Variants in LDLRAD4 observed in about 807,000 individuals in gnomAD.
LDLRAD4 encodes low-density lipoprotein receptor class A domain-containing protein 4.
A neutral mutation model predicts 17.0 loss-of-function variants in LDLRAD4; 5 were observed. The observed-to-expected ratio is 0.29, with a 90% confidence interval of 0.15 to 0.62. The LOEUF is 0.62. Ranked by LOEUF, LDLRAD4 falls within the 20% of genes least tolerant of loss-of-function variation. The probability of loss-of-function intolerance (pLI) is 0.84; values close to 1 mark genes in which losing one functional copy is unlikely to be tolerated. For synonymous variants in LDLRAD4, 168 were observed against 171.8 expected (o/e 0.98, Z 0.17); for missense variants, 340 against 424.7 (o/e 0.80, Z 1.75).
At chr18:13,386,927 GATAGATAGATAGATAGATA>G (rs2085867713) in intron 1 of LDLRAD4, among the ~76,000 whole-genome samples, 3 of 147,012 alleles carry the variant, frequency 2.0e-5, no homozygotes, top group African/African-American at 7.8e-5. Flanking sequence ...TAGATAGATA[GATAGATAGATAGATAGATA>G]GATGGATGGA....
intron 1 of LDLRAD4, among the ~76,000 whole-genome samples, chr18:13,251,977 G>T (rs2043243330): frequency 6.6e-6 from 1 of 152,216 alleles, no homozygotes. Context: ...ATGACTAAAA[G>T]AAGCAAACTG....
chr18:13,238,782 G>A (rs1459115076), intron 1 of LDLRAD4, among the ~76,000 whole-genome samples: 1 of 152,214 alleles, frequency 6.6e-6, no homozygotes, highest in Non-Finnish European at 1.5e-5. Flanking sequence ...GTGGAAATGT[G>A]ATTTTATAAT....
chr18:13,404,405 A>G (rs929172773), intron 2 of LDLRAD4, among the ~76,000 whole-genome samples: 6 of 152,238 alleles, frequency 3.9e-5, no homozygotes, highest in African/African-American at 1.4e-4. Context: ...CGCAGCTGCA[A>G]TCAGAGGAGC....
intron 1 of LDLRAD4, chr18:13,366,194 C>T (rs9957335): frequency 0.3 from 44,973 of 152,070 alleles, 6,715 homozygotes; most frequent in South Asian, 0.36. Context: ...CTGCCTTGGC[C>T]TCCCAAAGCC....
chr18:13,339,529 T>C (rs2082267185), intron 1 of LDLRAD4, among the ~76,000 whole-genome samples: 1 of 152,186 alleles, frequency 6.6e-6, no homozygotes, highest in Admixed American at 6.5e-5. Context: ...TGTGTCCTTT[T>C]CATATGTAAA....
intron 4 of LDLRAD4, chr18:13,641,969 G>T (rs1426073747): frequency 2.0e-6 from 2 of 985,460 alleles, no homozygotes; most frequent in South Asian, 4.7e-5. Context: ...TGCGGGCCCA[G>T]CCTGGGCCCT....
rs147793218 is a variant in LDLRAD4, at chr18:13,284,283, C to G, written c.-383+6095C>G. On this transcript the variant is annotated intron_variant, in intron 1 of 5. Coordinates refer to ENST00000359446, the Ensembl canonical transcript of LDLRAD4. ...AAAGAGAAACTTACCACCTCTGCCA[C>G]TTCTGCCCATGGCCTGAGACCTGGG... Among the ~76,000 whole-genome samples, 718 of 152,254 alleles carry G rather than the reference C, an allele frequency of 4.7e-3. 4 individuals carry two copies. The highest frequency in any genetic ancestry group is 0.017 in the African/African-American group (695 of 41,540).
intron 2 of LDLRAD4, among the ~76,000 whole-genome samples, chr18:13,416,211 AC>A (rs1395403867): frequency 1.3e-5 from 2 of 152,114 alleles, no homozygotes; most frequent in African/African-American, 4.8e-5. Context: ...GCCCAGGAGC[AC>A]CTTTTGAGGG....
At chr18:13,282,149 C>G (rs1279522398) in intron 1 of LDLRAD4, among the ~76,000 whole-genome samples, 3 of 152,310 alleles carry the variant, frequency 2.0e-5, no homozygotes, top group African/African-American at 7.2e-5. Context: ...TCCCCTGGGT[C>G]CCTCCCATAA....
At chr18:13,405,178 A>G (rs2087615964) in intron 2 of LDLRAD4, among the ~76,000 whole-genome samples, 1 of 152,084 alleles carries the variant, frequency 6.6e-6, no homozygotes. Flanking sequence ...ATTATATACC[A>G]TGGGTCAGGT....
intron 1 of LDLRAD4, among the ~76,000 whole-genome samples, chr18:13,321,898 AAAAAG>A (rs1305514703): frequency 4.2e-5 from 4 of 96,206 alleles, no homozygotes; most frequent in South Asian, 7.3e-4. Flanking sequence ...AAAAAAAAAA[AAAAAG>A]AAAAGAAAAA....
At chr18:13,459,710 T>G (rs978609423) in intron 3 of LDLRAD4, among the ~76,000 whole-genome samples, 18 of 152,180 alleles carry the variant, frequency 1.2e-4, no homozygotes, top group Admixed American at 7.2e-4. Context: ...CCACTGAGTT[T>G]GTATAGCTTG....
rs141288852 is a variant in LDLRAD4, at chr18:13,415,198, G to A, written c.41-23046G>A. On this transcript the variant is annotated intron_variant, in intron 2 of 5. Transcript: ENST00000359446. Reference sequence around the variant, plus strand: ...CAGGGCCCTGAGCCCCAGAAATGCTGGCTTATTCCTCTTGAGTTTCCTCCT... The same window carrying A: ...CAGGGCCCTGAGCCCCAGAAATGCTAGCTTATTCCTCTTGAGTTTCCTCCT... Among the ~76,000 whole-genome samples, 303 of 152,276 alleles carry A rather than the reference G, an allele frequency of 2.0e-3. 1 individual carries two copies. The highest frequency in any genetic ancestry group is 6.9e-3 in the African/African-American group (288 of 41,560).
chr18:13,458,308 A>G (rs2092253498), intron 3 of LDLRAD4, among the ~76,000 whole-genome samples: 1 of 152,204 alleles, frequency 6.6e-6, no homozygotes, highest in South Asian at 2.1e-4. Context: ...CTTTAGAAGC[A>G]CTATGTGTTA....
At chr18:13,230,041 T>C (rs911261904) in intron 1 of LDLRAD4, among the ~76,000 whole-genome samples, 3 of 152,228 alleles carry the variant, frequency 2.0e-5, no homozygotes, top group Non-Finnish European at 4.4e-5. Flanking sequence ...ATTGATAGTA[T>C]TGAGCGATGG....
intron 1 of LDLRAD4, among the ~76,000 whole-genome samples, chr18:13,237,423 A>G (rs1042579434): frequency 2.6e-5 from 4 of 152,170 alleles, no homozygotes; most frequent in African/African-American, 7.2e-5. Flanking sequence ...CTTAGTACCA[A>G]GGAAGGTTCT....
At chr18:13,400,858 G>A (rs1206177692) in intron 2 of LDLRAD4, among the ~76,000 whole-genome samples, 2 of 152,182 alleles carry the variant, frequency 1.3e-5, no homozygotes, top group East Asian at 1.9e-4. Flanking sequence ...AGCACTTGCT[G>A]TATACCAGAC....
intron 3 of LDLRAD4, among the ~76,000 whole-genome samples, chr18:13,577,937 T>C (rs996226848): frequency 2.0e-5 from 3 of 152,126 alleles, no homozygotes; most frequent in Non-Finnish European, 4.4e-5. Flanking sequence ...AAAACTCAGC[T>C]CTGATTATTA....
intron 3 of LDLRAD4, among the ~76,000 whole-genome samples, chr18:13,441,149 G>A (rs1408608253): frequency 6.6e-6 from 1 of 152,200 alleles, no homozygotes; most frequent in Admixed American, 6.5e-5. Context: ...GCCAGAGGGT[G>A]GCCTCGTATT....
Sources: allele counts gnomAD v4.1 joint callset (sites outside exome capture counted in the v4.1 genomes callset), GRCh38; gene constraint gnomAD v4.1.1; transcripts MANE v1.5; gene names NCBI Gene and HGNC (gene_info 2026-07-23, HGNC 2026-07-21).